Variants in PRIM2 observed in about 807,000 individuals in gnomAD.
PRIM2 encodes the protein DNA primase large subunit.
PRIM2 carries 39 observed loss-of-function variants against 67.3 expected under a neutral mutation model. That is an observed-to-expected ratio of 0.58 (90% CI 0.45 to 0.76). The LOEUF is 0.76. Among genes scored for constraint, PRIM2 ranks in the 30% least tolerant of loss-of-function variants. PRIM2 has a pLI of 0.00. For synonymous variants in PRIM2, 143 were observed against 198.7 expected (o/e 0.72, Z 2.36); for missense variants, 398 against 598.7 (o/e 0.66, Z 3.50).
intron 12 of PRIM2, among the ~76,000 whole-genome samples, chr6:57,615,285 G>C (rs1776735073): frequency 6.6e-6 from 1 of 152,106 alleles, no homozygotes; most frequent in African/African-American, 2.4e-5. Flanking sequence ...CAGGCGTCGA[G>C]GCATGCACCT....
intron 7 of PRIM2, among the ~76,000 whole-genome samples, chr6:57,440,703 C>T (rs1772176477): frequency 6.6e-6 from 1 of 152,178 alleles, no homozygotes; most frequent in Non-Finnish European, 1.5e-5. Context: ...TTTTGACTGG[C>T]AGCACTGTGA....
the PRIM2 span, among the ~76,000 whole-genome samples, chr6:57,273,382 T>C: frequency 6.6e-6 from 1 of 152,232 alleles, no homozygotes; most frequent in Non-Finnish European, 1.5e-5. Flanking sequence ...TCATTTCATC[T>C]TCCATGACTG....
At chr6:57,561,562 C>T (rs1431502711) in intron 10 of PRIM2, among the ~76,000 whole-genome samples, 4 of 152,152 alleles carry the variant, frequency 2.6e-5, no homozygotes, top group Non-Finnish European at 5.9e-5. Flanking sequence ...TCTATAGTTC[C>T]CTCACCTCTC....
intron 10 of PRIM2, among the ~76,000 whole-genome samples, chr6:57,597,310 G>C (rs1463141850): frequency 2.0e-5 from 3 of 151,474 alleles, no homozygotes; most frequent in African/African-American, 7.3e-5. Context: ...TTGTGGATAG[G>C]AGTTGGAAGA....
chr6:57,499,968 C>T (rs1222556989), intron 7 of PRIM2, among the ~76,000 whole-genome samples: 34 of 152,208 alleles, frequency 2.2e-4, no homozygotes, highest in African/African-American at 7.9e-4. Flanking sequence ...ATTTAGTTAC[C>T]TCTTAGTTAG....
At chr6:57,347,354 A>G (rs1768711516) in intron 5 of PRIM2, among the ~76,000 whole-genome samples, 2 of 152,178 alleles carry the variant, frequency 1.3e-5, no homozygotes, top group African/African-American at 4.8e-5. Context: ...ATATAAGGAG[A>G]CTGAGGAGAG....
At chr6:57,494,913 G>A (rs1773972276) in intron 7 of PRIM2, among the ~76,000 whole-genome samples, 1 of 152,186 alleles carries the variant, frequency 6.6e-6, no homozygotes, top group Non-Finnish European at 1.5e-5. Flanking sequence ...GCTTATCACA[G>A]TGAAGACATT....
the PRIM2 span, among the ~76,000 whole-genome samples, chr6:57,277,481 A>G: frequency 6.6e-6 from 1 of 152,190 alleles, no homozygotes; most frequent in Non-Finnish European, 1.5e-5. Context: ...CCCTGTCTTC[A>G]AGGAACTTAC....
At chr6:57,542,971 C>T (rs1205289153) in intron 10 of PRIM2, among the ~76,000 whole-genome samples, 12 of 30,378 alleles carry the variant, frequency 4.0e-4, no homozygotes, top group Non-Finnish European at 1.4e-4. Context: ...GACGGAGTCT[C>T]GCTGTCGCCC....
intron 7 of PRIM2, among the ~76,000 whole-genome samples, chr6:57,447,315 C>T (rs1772398976): frequency 6.6e-6 from 1 of 152,100 alleles, no homozygotes. Flanking sequence ...CCATTGTTCT[C>T]AAGGAGATGA....
intron 7 of PRIM2, among the ~76,000 whole-genome samples, chr6:57,420,061 G>A (rs1403622821): frequency 6.6e-6 from 1 of 152,186 alleles, no homozygotes; most frequent in Non-Finnish European, 1.5e-5. Context: ...TGTCTTTTTG[G>A]TGGTTGCTAG....
chr6:57,495,641 T>A (rs1773988394), intron 7 of PRIM2, among the ~76,000 whole-genome samples: 1 of 152,204 alleles, frequency 6.6e-6, no homozygotes, highest in African/African-American at 2.4e-5. Context: ...TTCAAGTGCA[T>A]TTCCAAGGAC....
At chr6:57,291,831 T>A in the PRIM2 span, among the ~76,000 whole-genome samples, 1 of 152,186 alleles carries the variant, frequency 6.6e-6, no homozygotes, top group African/African-American at 2.4e-5. Context: ...AAACTAGGTA[T>A]TGATGGGACG....
intron 7 of PRIM2, among the ~76,000 whole-genome samples, chr6:57,431,637 A>G (rs1321720521): frequency 6.6e-6 from 1 of 151,644 alleles, no homozygotes; most frequent in Non-Finnish European, 1.5e-5. Context: ...ACAGAGAAAG[A>G]CCCTGCCTTT....
intron 8 of PRIM2, among the ~76,000 whole-genome samples, chr6:57,512,111 C>G (rs1258098971): frequency 6.6e-6 from 1 of 151,700 alleles, no homozygotes; most frequent in African/African-American, 2.4e-5. Context: ...GAGCCTTGAA[C>G]AAAAAAGGAT....
the PRIM2 span, among the ~76,000 whole-genome samples, chr6:57,293,036 A>G: frequency 6.6e-6 from 1 of 152,202 alleles, no homozygotes; most frequent in Non-Finnish European, 1.5e-5. Context: ...AGAAACTATC[A>G]TCAGAGTGAA....
rs1259153987 is a variant in PRIM2 at position 57,646,755 on chromosome 6, A to G, written c.*597A>G. Reference sequence around the variant, plus strand: ...GACTGGTTAAAGTCCCCCAGAAACTACAATAAAGAACAACTTTTGTTTTAA... The same window carrying G: ...GACTGGTTAAAGTCCCCCAGAAACTGCAATAAAGAACAACTTTTGTTTTAA... On this transcript the variant is annotated 3_prime_UTR_variant, in exon 14 of 14. Transcript: ENST00000615550. 2 of 152,250 alleles carry G rather than the reference A, an allele frequency of 1.3e-5. No homozygotes were observed. The highest frequency in any genetic ancestry group is 1.3e-4 in the Admixed American group (2 of 15,284). 9.4% of individuals were successfully genotyped at this position (152,250 alleles called of 1,614,324 possible).
chr6:57,329,960 C>G (rs1046676505), intron 5 of PRIM2, among the ~76,000 whole-genome samples: 1 of 151,918 alleles, frequency 6.6e-6, no homozygotes, highest in Admixed American at 6.6e-5. Flanking sequence ...CAGCTTTGTT[C>G]TTTTTTAAGA....
chr6:57,333,480 T>G (rs1768124227), intron 5 of PRIM2, among the ~76,000 whole-genome samples: 1 of 152,354 alleles, frequency 6.6e-6, no homozygotes, highest in East Asian at 1.9e-4. Context: ...TTCATGGCGA[T>G]GTCTGCACCT....
Sources: allele counts gnomAD v4.1 joint callset (sites outside exome capture counted in the v4.1 genomes callset), GRCh38; gene constraint gnomAD v4.1.1; transcripts MANE v1.5; gene names NCBI Gene and HGNC (gene_info 2026-07-23, HGNC 2026-07-21).